Variants in HS3ST1 observed in about 807,000 individuals in gnomAD.
The protein encoded by HS3ST1 is heparan sulfate-glucosamine 3-sulfotransferase 1, also known as heparan sulfate glucosamine 3-O-sulfotransferase 1.
A neutral mutation model predicts 20.7 loss-of-function variants in HS3ST1; 8 were observed. The ratio of observed to expected loss-of-function variants is 0.39; its 90% CI spans 0.23 to 0.70. HS3ST1 has a LOEUF of 0.70. Among genes scored for constraint, HS3ST1 ranks in the 30% least tolerant of loss-of-function variants. The pLI is 0.46. For synonymous variants in HS3ST1, 205 were observed against 190.4 expected (o/e 1.08, Z -0.63); for missense variants, 436 against 423.4 (o/e 1.03, Z -0.26).
chr4:11,394,056 G>A lies in HS3ST1; in HGVS notation c.*5026C>T, dbSNP rs1239845231. On this transcript the variant is annotated 3_prime_UTR_variant, in exon 2 of 2. Coordinates refer to ENST00000002596, the MANE Select transcript of HS3ST1 (RefSeq NM_005114.4). ...ATTTCTGCCGACTGGTTCAAAACCA[G>A]TTTTGGTCTGTCTCCTAAAGTCCCA... The A allele has an allele frequency of 6.6e-6, 1 of 152,230 alleles. No homozygotes were observed. The highest frequency in any genetic ancestry group is 1.9e-4 in the East Asian group (1 of 5,192). The allele number at this position is 152,230 out of a possible 1,614,324, so 9.4% of individuals were successfully genotyped here.
chr4:11,398,806 C>CTT lies in HS3ST1; in HGVS notation c.*274_*275dup, dbSNP rs60081429. 91 of 223,220 alleles carry CTT rather than the reference C, an allele frequency of 4.1e-4. No homozygotes were observed. Among genetic ancestry groups the CTT allele is most frequent in the Middle Eastern group, 2.8e-3 (2 of 724 alleles). The allele number at this position is 223,220 out of a possible 1,614,324, so 13.8% of individuals were successfully genotyped here. On this transcript the variant is annotated 3_prime_UTR_variant, in exon 2 of 2. Transcript: ENST00000002596. ...AAAACATAGCGTCTCCAGAAAAAAT[C>CTT]TTTTTTTTTTTTTCAGTGAAATAGT...
intron 1 of HS3ST1, among the ~76,000 whole-genome samples, chr4:11,424,373 C>A (rs1719012337): frequency 2.6e-5 from 4 of 152,270 alleles, no homozygotes; most frequent in South Asian, 2.1e-4. Context: ...AACTACGGCC[C>A]AGTAGATATT....
At chr4:11,429,352 C>G (rs1467175639), upstream of HS3ST1, 1 of 152,528 alleles carries the variant, frequency 6.6e-6, no homozygotes. Context: ...CAGCTCGGCA[C>G]TTGTACCCGG....
rs1718168115 is a variant in HS3ST1, at chr4:11,397,224, T to A, written c.*1858A>T. ...GCCTGCTGTAAATATTTCTGCTACT[T>A]CCTCTGGGGGAGATGATGGCTTAAT... On this transcript the variant is annotated 3_prime_UTR_variant, in exon 2 of 2. Transcript: ENST00000002596. 6.6e-6 allele frequency: 1 copy of A among 152,294 alleles called. No individual in the cohort carries two copies. The highest frequency in any genetic ancestry group is 1.5e-5 in the Non-Finnish European group (1 of 68,088). The allele number at this position is 152,294 out of a possible 1,614,324, so 9.4% of individuals were successfully genotyped here.
Position 11,395,547 on chromosome 4 carries a change from G to A in HS3ST1, c.*3535C>T, listed in dbSNP as rs537886503. On this transcript the variant is annotated 3_prime_UTR_variant, in exon 2 of 2. Coordinates refer to ENST00000002596, the MANE Select transcript of HS3ST1 (RefSeq NM_005114.4). Reference sequence around the variant, plus strand: ...GGCTGGAGTGCAGTGGCATCATCTCGGCCCCCTGCAACCTCCACCTGCCAG... The same window carrying A: ...GGCTGGAGTGCAGTGGCATCATCTCAGCCCCCTGCAACCTCCACCTGCCAG... 7.0e-6 allele frequency: 1 copy of A among 143,066 alleles called. No individual in the cohort carries two copies. The highest frequency in any genetic ancestry group is 2.2e-4 in the South Asian group (1 of 4,544). 8.9% of individuals were successfully genotyped at this position (143,066 alleles called of 1,614,324 possible).
intron 1 of HS3ST1, among the ~76,000 whole-genome samples, chr4:11,401,984 T>A (rs140769973): frequency 6.4e-4 from 97 of 152,286 alleles, no homozygotes; most frequent in African/African-American, 2.1e-3. Context: ...TAAAACACAT[T>A]AAGGGAAGCG....
Position 11,399,662 on chromosome 4 carries a change from A to G in HS3ST1, c.344T>C (p.Leu115Pro), listed in dbSNP as rs1718260661. 6.2e-7 allele frequency: 1 copy of G among 1,613,758 alleles called. No individual in the cohort carries two copies. Among genetic ancestry groups the G allele is most frequent in the Non-Finnish European group, 8.5e-7 (1 of 1,180,044 alleles). Residue 115 changes from leucine (L) to proline (P), a missense_variant, in exon 2 of 2, where the codon CTC becomes CCC. Physicochemically the swap from Leu to Pro is moderately conservative, Grantham distance 98. Coordinates refer to ENST00000002596, the MANE Select transcript of HS3ST1 (RefSeq NM_005114.4). The surrounding 1 kb of genome is among the most constrained non-coding windows in gnomAD (Gnocchi z 5.1). ...ATACGCGGGGGTCTTCTCCACTGTG[A>G]GCTGGTGTGGCCAGGAGAAGGGCAT... is the stretch of plus-strand genomic sequence containing the variant. ...SQMPFSWPHQ[L>P]TVEKTPAYFT...
chr4:11,428,399 G>C (rs1231332802), intron 1 of HS3ST1: 3 of 152,318 alleles, frequency 2.0e-5, no homozygotes, highest in Non-Finnish European at 4.4e-5. Flanking sequence ...CGAACCTCAC[G>C]ACTCTGCAGG....
chr4:11,405,008 C>T (rs1193459450), intron 1 of HS3ST1, among the ~76,000 whole-genome samples: 2 of 152,234 alleles, frequency 1.3e-5, no homozygotes, highest in Non-Finnish European at 2.9e-5. Flanking sequence ...CCAGGAACTT[C>T]ACTGTCACTT....
Position 11,396,548 on chromosome 4 carries a change from T to C in HS3ST1, c.*2534A>G, listed in dbSNP as rs569454707. The C allele has an allele frequency of 6.6e-6, 1 of 152,380 alleles. No homozygotes were observed. The highest frequency in any genetic ancestry group is 2.1e-4 in the South Asian group (1 of 4,828). The allele number at this position is 152,380 out of a possible 1,614,324, so 9.4% of individuals were successfully genotyped here. A position where few individuals can be genotyped will look rare whatever the true frequency, so the allele number is the denominator to read the frequency against. ...ATTAGGCTCCTGAGTCACTGCATTT[T>C]GGCCCTGTAAGGACAGCCCAGGGTC... On this transcript the variant is annotated 3_prime_UTR_variant, in exon 2 of 2. Coordinates refer to ENST00000002596, the MANE Select transcript of HS3ST1 (RefSeq NM_005114.4).
rs115851844 is a variant in HS3ST1, at chr4:11,407,036, G to A, written c.-108-6923C>T. On this transcript the variant is annotated intron_variant, in intron 1 of 1. Coordinates refer to ENST00000002596, the MANE Select transcript of HS3ST1 (RefSeq NM_005114.4). ...TTAGAAACAATGAAATTGGAAATACGTTTAGTTTGTGCCTGTCAGCCTATG... is the reference window on the plus strand; with the variant it reads ...TTAGAAACAATGAAATTGGAAATACATTTAGTTTGTGCCTGTCAGCCTATG... Among the ~76,000 whole-genome samples the A allele has an allele frequency of 4.1e-3, 619 of 152,270 alleles. 2 individuals carry two copies. Among genetic ancestry groups the A allele is most frequent in the African/African-American group, 0.014 (600 of 41,548 alleles).
chr4:11,425,440 T>C (rs750005865), intron 1 of HS3ST1, among the ~76,000 whole-genome samples: 15 of 152,174 alleles, frequency 9.9e-5, no homozygotes, highest in Non-Finnish European at 1.8e-4. Context: ...ATGTGTATTA[T>C]GTTAAAAGGA....
chr4:11,409,427 G>A (rs1205948954), intron 1 of HS3ST1, among the ~76,000 whole-genome samples: 3 of 140,512 alleles, frequency 2.1e-5, no homozygotes, highest in African/African-American at 5.3e-5. Context: ...TTTCCATAAG[G>A]TTGTAAGGGT....
chr4:11,401,180 C>G (rs1229920443), intron 1 of HS3ST1, among the ~76,000 whole-genome samples: 3 of 152,112 alleles, frequency 2.0e-5, no homozygotes, highest in Admixed American at 1.3e-4. Context: ...GTGGAGGAAA[C>G]ATTTGAAATA....
Position 11,395,441 on chromosome 4 carries a change from A to T in HS3ST1, c.*3641T>A, listed in dbSNP as rs1222256446. The T allele has an allele frequency of 1.4e-5, 2 of 143,172 alleles. No individual in the cohort carries two copies. The highest frequency in any genetic ancestry group is 3.1e-5 in the Non-Finnish European group (2 of 65,078). 8.9% of individuals were successfully genotyped at this position (143,172 alleles called of 1,614,324 possible). On this transcript the variant is annotated 3_prime_UTR_variant, in exon 2 of 2. Coordinates refer to ENST00000002596, the MANE Select transcript of HS3ST1 (RefSeq NM_005114.4). ...CTGAAAAAAATGACTTGAAGTCAGG[A>T]TTACTTTTTTATTTTTTTATTATTA...
intron 1 of HS3ST1, among the ~76,000 whole-genome samples, chr4:11,418,061 G>C (rs1718832577): frequency 6.6e-6 from 1 of 152,220 alleles, no homozygotes; most frequent in Non-Finnish European, 1.5e-5. Context: ...TCTGGCATTT[G>C]AGAAAGATTT....
At position 11,393,752 on chromosome 4, in the gene HS3ST1, C is replaced by T. The variant is rs1014683278; in HGVS notation, c.*5330G>A. ...GAGGCAATGAGGGTGGACTGTTACC[C>T]TACTACCCCCATGCCCCATCCCACA... is the stretch of plus-strand genomic sequence containing the variant. On this transcript the variant is annotated 3_prime_UTR_variant, in exon 2 of 2. Coordinates refer to ENST00000002596, the MANE Select transcript of HS3ST1 (RefSeq NM_005114.4). The T allele has an allele frequency of 6.6e-6, 1 of 152,270 alleles. No homozygotes were observed. The highest frequency in any genetic ancestry group is 2.4e-5 in the African/African-American group (1 of 41,444). The allele number at this position is 152,270 out of a possible 1,614,324, so 9.4% of individuals were successfully genotyped here. A position where few individuals can be genotyped will look rare whatever the true frequency, so the allele number is the denominator to read the frequency against.
At chr4:11,433,176 T>G (rs61516010), upstream of HS3ST1, among the ~76,000 whole-genome samples, 6,937 of 152,276 alleles carry the variant, frequency 0.046, 343 homozygotes, top group African/African-American at 0.12. Flanking sequence ...AAGTTTATCT[T>G]TTTCTGATTT....
At chr4:11,402,829 T>G (rs1718360708) in intron 1 of HS3ST1, among the ~76,000 whole-genome samples, 1 of 152,260 alleles carries the variant, frequency 6.6e-6, no homozygotes, top group Non-Finnish European at 1.5e-5. Context: ...GTTAGTGTAG[T>G]GTACATCTGA....
Sources: gnomAD v4.1 joint callset for allele counts (sites outside exome capture counted in the v4.1 genomes callset) on GRCh38, gnomAD v4.1.1 for gene constraint, Gnocchi (gnomAD v3.1) non-coding constraint, MANE v1.5 for transcripts, NCBI Gene and HGNC (gene_info 2026-07-23, HGNC 2026-07-21) for gene names.